Variants in ADGRG6 observed in about 807,000 individuals in gnomAD.
ADGRG6 encodes the protein adhesion G protein-coupled receptor G6.
A neutral mutation model predicts 142.4 loss-of-function variants in ADGRG6; 84 were observed. That is an observed-to-expected ratio of 0.59 (90% CI 0.49 to 0.71). The LOEUF (loss-of-function observed/expected upper bound fraction) is 0.71, where lower values mean the gene tolerates loss of function less well. Ranked by LOEUF, ADGRG6 falls within the 30% of genes least tolerant of loss-of-function variation. The pLI, the probability that ADGRG6 is intolerant of heterozygous loss-of-function variation, is 0.00. For missense variants in ADGRG6, 1,367 were observed against 1,466.6 expected (o/e 0.93, Z 1.11); for synonymous variants, 521 against 520.5 (o/e 1.00, Z -0.01).
intron 4 of ADGRG6, among the ~76,000 whole-genome samples, chr6:142,376,679 T>G (rs959143610): frequency 2.0e-5 from 3 of 152,180 alleles, no homozygotes; most frequent in African/African-American, 7.2e-5. Flanking sequence ...ATAATAAAAT[T>G]AAGATAAATC....
chr6:142,355,711 C>G (rs1372172389), intron 2 of ADGRG6, among the ~76,000 whole-genome samples: 2 of 152,020 alleles, frequency 1.3e-5, no homozygotes, highest in East Asian at 3.9e-4. Context: ...TGTAGACCAC[C>G]CAGCCCACCC....
At chr6:142,421,096 C>A (rs1776634723) in intron 22 of ADGRG6, among the ~76,000 whole-genome samples, 1 of 152,130 alleles carries the variant, frequency 6.6e-6, no homozygotes, top group Admixed American at 6.6e-5. Flanking sequence ...TGGGTACTCC[C>A]TGCAAGTGTG....
chr6:142,437,080 G>C (rs552595571), intron 22 of ADGRG6, among the ~76,000 whole-genome samples: 1 of 152,148 alleles, frequency 6.6e-6, no homozygotes, highest in East Asian at 1.9e-4. Context: ...AATATGTATG[G>C]AAAGTTTTAA....
chr6:142,396,542 C>A (rs998130846), intron 9 of ADGRG6, among the ~76,000 whole-genome samples: 1 of 152,120 alleles, frequency 6.6e-6, no homozygotes, highest in African/African-American at 2.4e-5. Context: ...TAAATTACTA[C>A]TATAATACTT....
At position 142,359,737 on chromosome 6, in the gene ADGRG6, C is replaced by T. The variant is rs79061604; in HGVS notation, c.104-7832C>T. On this transcript the variant is annotated intron_variant, in intron 2 of 24. Transcript: ENST00000367609. The stretch of plus-strand genomic sequence containing the variant: ...GTATTCCCAGAACCTGGCACAGTGT[C>T]AGGCAGATAAATGTTTAGTAAGTAT... Among the ~76,000 whole-genome samples the T allele has an allele frequency of 6.4e-3, 971 of 152,254 alleles. 7 individuals carry two copies. Among genetic ancestry groups the T allele is most frequent in the Middle Eastern group, 0.034 (10 of 294 alleles).
intron 22 of ADGRG6, among the ~76,000 whole-genome samples, chr6:142,433,305 C>T (rs959083917): frequency 4.6e-5 from 7 of 152,298 alleles, no homozygotes; most frequent in African/African-American, 1.7e-4. Context: ...ACCCTCTCTT[C>T]AAAACTTAAA....
intron 2 of ADGRG6, among the ~76,000 whole-genome samples, chr6:142,334,578 G>T (rs2114681877): frequency 6.6e-6 from 1 of 152,268 alleles, no homozygotes; most frequent in Non-Finnish European, 1.5e-5. Context: ...GCCAACAGTG[G>T]AATGGCTTTT....
At chr6:142,360,176 G>C (rs1780646298) in intron 2 of ADGRG6, among the ~76,000 whole-genome samples, 1 of 152,162 alleles carries the variant, frequency 6.6e-6, no homozygotes, top group South Asian at 2.1e-4. Flanking sequence ...TGATGTTCAT[G>C]CTGCTAACAA....
In ADGRG6 at chr6:142,403,781, C is replaced by T. The variant is rs9496369; in HGVS notation, c.1956-21C>T. 0.3 allele frequency: 437,523 copies of T among 1,455,780 alleles called. 72,017 individuals carry two copies. The highest frequency in any genetic ancestry group is 0.67 in the African/African-American group (45,902 of 68,308). The allele number at this position is 1,455,780 out of a possible 1,614,324, so 90.2% of individuals were successfully genotyped here. On this transcript the variant is annotated intron_variant, in intron 13 of 24. Transcript: ENST00000367609. ...AAAATATCATATTACTTAATAGTGG[C>T]ATTTTTTGTCGTTACTTTAGAGCTT...
In ADGRG6 at chr6:142,403,834, A is replaced by C. The variant is rs1407557752; in HGVS notation, c.1988A>C (p.Lys663Thr). 1 of 1,599,730 alleles carries C rather than the reference A, an allele frequency of 6.3e-7. No homozygotes were observed. The highest frequency in any genetic ancestry group is 8.5e-7 in the Non-Finnish European group (1 of 1,175,498). ...AAAACAATTGATGAATTGGCCTTCA[A>C]GATAGACCTAAATAGCACATCACAT... is the stretch of plus-strand genomic sequence containing the variant. ...ALKTIDELAFKIDLNSTSHVN... is the reference protein window; with the variant it reads ...ALKTIDELAFTIDLNSTSHVN... Residue 663 changes from lysine (K) to threonine (T), a missense_variant, in exon 14 of 25, where the codon AAG (lysine) becomes ACG (threonine). Coordinates refer to ENST00000367609, the MANE Select transcript of ADGRG6 (RefSeq NM_198569.3).
chr6:142,394,814 T>A (rs1775085774), intron 9 of ADGRG6, among the ~76,000 whole-genome samples: 1 of 151,510 alleles, frequency 6.6e-6, no homozygotes, highest in Admixed American at 6.6e-5. Flanking sequence ...CTCAAACTCC[T>A]GGCCTCAAGT....
chr6:142,380,584 G>A (rs560309962), intron 4 of ADGRG6, among the ~76,000 whole-genome samples: 3 of 152,254 alleles, frequency 2.0e-5, no homozygotes, highest in Middle Eastern at 3.4e-3. Flanking sequence ...TGCACAGACC[G>A]TCTCAGTGCC....
intron 2 of ADGRG6, among the ~76,000 whole-genome samples, chr6:142,314,208 C>G (rs559546945): frequency 1.4e-4 from 22 of 152,146 alleles, no homozygotes; most frequent in Non-Finnish European, 3.2e-4. Flanking sequence ...AATATGAAAT[C>G]ATACATTGAG....
rs116310924 is a variant in ADGRG6, at chr6:142,421,429, T to C, written c.3319+1325T>C. ...AACTCCAAAAATTGGAAAATGAGTA[T>C]GTAGCATATAAATACATCTTTATTG... On this transcript the variant is annotated intron_variant, in intron 22 of 24. Coordinates refer to ENST00000367609, the MANE Select transcript of ADGRG6 (RefSeq NM_198569.3). Among the ~76,000 whole-genome samples the C allele has an allele frequency of 8.4e-3, 1,276 of 152,310 alleles. 16 individuals are homozygous for C. The highest frequency in any genetic ancestry group is 0.029 in the African/African-American group (1,204 of 41,564).
rs1397736770 is a variant in ADGRG6 at position 142,445,395 on chromosome 6, G to C, written c.*1880G>C. On this transcript the variant is annotated 3_prime_UTR_variant, in exon 25 of 25. Coordinates refer to ENST00000367609, the MANE Select transcript of ADGRG6 (RefSeq NM_198569.3). The stretch of plus-strand genomic sequence containing the variant: ...TGGATGAAAATGAATCTTAGTCACT[G>C]AATATTCATATACATTTCCCCCAAA... 6.6e-6 allele frequency: 1 copy of C among 152,080 alleles called. No homozygotes were observed. The highest frequency in any genetic ancestry group is 1.5e-5 in the Non-Finnish European group (1 of 68,002). 9.4% of individuals were successfully genotyped at this position (152,080 alleles called of 1,614,324 possible).
intron 2 of ADGRG6, among the ~76,000 whole-genome samples, chr6:142,363,910 G>A (rs1374272797): frequency 6.6e-6 from 1 of 151,930 alleles, no homozygotes; most frequent in Non-Finnish European, 1.5e-5. Flanking sequence ...TTAGGGCTAT[G>A]AAACTCTTTT....
intron 21 of ADGRG6, among the ~76,000 whole-genome samples, chr6:142,419,220 G>A (rs541453474): frequency 1.3e-5 from 2 of 152,216 alleles, no homozygotes; most frequent in African/African-American, 4.8e-5. Flanking sequence ...TGGATTTTGT[G>A]GCTAAAAATG....
chr6:142,320,185 C>T (rs1352241079), intron 2 of ADGRG6, among the ~76,000 whole-genome samples: 1 of 151,940 alleles, frequency 6.6e-6, no homozygotes, highest in African/African-American at 2.4e-5. Context: ...ATTAGTAGTA[C>T]TTTACACATG....
intron 2 of ADGRG6, among the ~76,000 whole-genome samples, chr6:142,340,448 A>G (rs1779560905): frequency 6.6e-6 from 1 of 152,094 alleles, no homozygotes; most frequent in Non-Finnish European, 1.5e-5. Context: ...TGTAATGGTA[A>G]TAAGGTTACT....
Sources: gnomAD v4.1 joint callset for allele counts (sites outside exome capture counted in the v4.1 genomes callset) on GRCh38, gnomAD v4.1.1 for gene constraint, MANE v1.5 for transcripts, NCBI Gene and HGNC (gene_info 2026-07-23, HGNC 2026-07-21) for gene names.